The following PLCE1 variants were observed in gnomAD, a reference collection of about 807,000 sequenced individuals.
PLCE1 encodes the protein phospholipase C epsilon 1.
Under a neutral mutation model 242.8 loss-of-function variants are expected in PLCE1, and 119 were observed. That is an observed-to-expected ratio of 0.49 (90% CI 0.42 to 0.57). PLCE1 has a LOEUF of 0.57. PLCE1 is among the 20% of genes least tolerant of loss of function. The pLI is 0.00. For missense variants in PLCE1, 2,441 were observed against 2,788.8 expected (o/e 0.88, Z 2.81); for synonymous variants, 945 against 1,017.4 (o/e 0.93, Z 1.35).
chr10:94,188,393 C>A (rs1300403138), intron 4 of PLCE1, among the ~76,000 whole-genome samples: 1 of 152,194 alleles, frequency 6.6e-6, no homozygotes, highest in Non-Finnish European at 1.5e-5. Flanking sequence ...CATTTGTCAA[C>A]TAATGTGCAC....
In PLCE1 at chr10:94,324,355, T is replaced by C. The variant is rs769544936; in HGVS notation, c.6508T>C (p.Cys2170Arg). 5 of 1,613,660 alleles carry C rather than the reference T, an allele frequency of 3.1e-6. No homozygotes were observed. In the South Asian group the frequency reaches 3.3e-5, roughly 11 times the overall value. The change falls in exon 31 of 33, where the codon TGC becomes CGC. Residue 2170 changes from cysteine to arginine, a missense_variant. By Grantham distance (180) the Cys-to-Arg change is radical. This residue lies in a region of PLCE1 where 310 missense variants were observed against 317.2 expected (regional missense o/e 0.98). Coordinates refer to ENST00000371380, the MANE Select transcript of PLCE1 (RefSeq NM_016341.4). ...ATCATAACTTACCTTTCAGACCTTATGCAAAGCCAAATATTCCTACAGCAT... is the reference window on the plus strand; with the variant it reads ...ATCATAACTTACCTTTCAGACCTTACGCAAAGCCAAATATTCCTACAGCAT... ...TAQDVIQQTL[C>R]KAKYSYSILS...
intron 27 of PLCE1, among the ~76,000 whole-genome samples, chr10:94,313,034 CTG>C (rs759474954): frequency 4.6e-5 from 7 of 152,116 alleles, no homozygotes; most frequent in Non-Finnish European, 8.8e-5. Flanking sequence ...GAAAGAGACA[CTG>C]TAATTTAAAA....
chr10:94,010,095 A>T (rs2061138938), intron 1 of PLCE1, among the ~76,000 whole-genome samples: 1 of 152,168 alleles, frequency 6.6e-6, no homozygotes, highest in Non-Finnish European at 1.5e-5. Flanking sequence ...AGGCTTTCTG[A>T]TACATCCTCT....
intron 20 of PLCE1, 45 bp downstream of exon 20, chr10:94,279,956 A>G (rs2133256884): frequency 1.3e-6 from 2 of 1,598,278 alleles, no homozygotes; most frequent in Non-Finnish European, 1.7e-6. Context: ...AAATTCTTGG[A>G]TGATTTGCCA....
At chr10:94,098,877 C>T (rs1313101531) in intron 2 of PLCE1, among the ~76,000 whole-genome samples, 3 of 152,152 alleles carry the variant, frequency 2.0e-5, no homozygotes. Context: ...TGATACTCCT[C>T]GTGGTTCTAG....
At chr10:94,110,644 A>T (rs1462096333) in intron 2 of PLCE1, among the ~76,000 whole-genome samples, 1 of 152,238 alleles carries the variant, frequency 6.6e-6, no homozygotes, top group Non-Finnish European at 1.5e-5. Context: ...ATGACATCAC[A>T]ACTATGGAAA....
At chr10:94,053,268 G>C (rs1208780007) in intron 2 of PLCE1, among the ~76,000 whole-genome samples, 1 of 152,210 alleles carries the variant, frequency 6.6e-6, no homozygotes, top group African/African-American at 2.4e-5. Context: ...AGAGAGTCAT[G>C]AGGATTCGGT....
At chr10:94,200,498 T>C (rs2048957379) in intron 4 of PLCE1, among the ~76,000 whole-genome samples, 1 of 152,226 alleles carries the variant, frequency 6.6e-6, no homozygotes. Context: ...CTTGACTCTA[T>C]GCTGACATGA....
At chr10:94,115,537 A>T (rs770092654) in intron 2 of PLCE1, among the ~76,000 whole-genome samples, 1 of 152,090 alleles carries the variant, frequency 6.6e-6, no homozygotes, top group Non-Finnish European at 1.5e-5. Context: ...GCATTTTTTC[A>T]TGTGTCTGTT....
At chr10:94,226,498 A>G (rs2049944879) in intron 4 of PLCE1, among the ~76,000 whole-genome samples, 2 of 152,112 alleles carry the variant, frequency 1.3e-5, no homozygotes, top group African/African-American at 2.4e-5. Context: ...CTGGCACATA[A>G]TAAGTGCTCT....
At chr10:94,055,011 C>CAAAAAAAAAAAAAA (rs71306823) in intron 2 of PLCE1, among the ~76,000 whole-genome samples, 2 of 91,204 alleles carry the variant, frequency 2.2e-5, no homozygotes, top group African/African-American at 3.5e-5. Context: ...GACTCCATCT[C>CAAAAAAAAAAAAAA]AAAAAAAAAA....
chr10:94,180,261 A>C (rs2048271167), intron 4 of PLCE1, among the ~76,000 whole-genome samples: 1 of 152,194 alleles, frequency 6.6e-6, no homozygotes, highest in African/African-American at 2.4e-5. Flanking sequence ...AATATGTGTA[A>C]AAATGTTGAC....
intron 7 of PLCE1, among the ~76,000 whole-genome samples, chr10:94,243,012 C>G (rs184408166): frequency 8.5e-4 from 130 of 152,244 alleles, no homozygotes; most frequent in Non-Finnish European, 1.4e-3. Context: ...AACATAACTC[C>G]CCACTCCTTA....
At chr10:94,164,293 C>G (rs2047718281) in intron 3 of PLCE1, among the ~76,000 whole-genome samples, 2 of 152,188 alleles carry the variant, frequency 1.3e-5, no homozygotes, top group South Asian at 2.1e-4. Context: ...GTACACCAGT[C>G]AGATGTAGAT....
At chr10:94,311,028 C>G (rs2053370693) in intron 27 of PLCE1, among the ~76,000 whole-genome samples, 1 of 152,142 alleles carries the variant, frequency 6.6e-6, no homozygotes, top group African/African-American at 2.4e-5. Flanking sequence ...CTTATTATCA[C>G]CAGTTGATCA....
intron 4 of PLCE1, among the ~76,000 whole-genome samples, chr10:94,174,008 T>G (rs918381315): frequency 6.6e-6 from 1 of 152,180 alleles, no homozygotes; most frequent in Non-Finnish European, 1.5e-5. Context: ...TTTCACCTAT[T>G]TTGAGTGACC....
intron 23 of PLCE1, among the ~76,000 whole-genome samples, chr10:94,294,691 G>A (rs2052749221): frequency 6.6e-6 from 1 of 152,086 alleles, no homozygotes; most frequent in Admixed American, 6.5e-5. Flanking sequence ...AATCATCTGA[G>A]CCTGTAGCAA....
intron 6 of PLCE1, among the ~76,000 whole-genome samples, chr10:94,234,769 C>T (rs965624483): frequency 2.6e-5 from 4 of 152,082 alleles, no homozygotes; most frequent in African/African-American, 9.7e-5. Context: ...GAGACAAGCT[C>T]CAGGCTCCTG....
intron 8 of PLCE1, among the ~76,000 whole-genome samples, chr10:94,247,511 G>T (rs765558945): frequency 3.0e-4 from 46 of 152,050 alleles, no homozygotes; most frequent in Admixed American, 1.0e-3. Flanking sequence ...TGTCCCTATT[G>T]AAATTAAAAT....
Sources: allele counts gnomAD v4.1 joint callset (sites outside exome capture counted in the v4.1 genomes callset), GRCh38; gene constraint gnomAD v4.1.1; regional missense constraint gnomAD v4.1.1; transcripts MANE v1.5; gene names NCBI Gene and HGNC (gene_info 2026-07-23, HGNC 2026-07-21).